The following MAP3K5 variants were observed in gnomAD, a reference collection of about 807,000 sequenced individuals.
The protein encoded by MAP3K5 is mitogen-activated protein kinase kinase kinase 5.
A neutral mutation model predicts 158.7 loss-of-function variants in MAP3K5; 56 were observed. The observed-to-expected ratio is 0.35, with a 90% CI of 0.28 to 0.44. The LOEUF is 0.44. Ranked by LOEUF, MAP3K5 falls within the 20% of genes least tolerant of loss-of-function variation. The pLI, the probability that MAP3K5 is intolerant of heterozygous loss-of-function variation, is 1.00. For synonymous variants in MAP3K5, 579 were observed against 601.7 expected (o/e 0.96, Z 0.55); for missense variants, 1,294 against 1,674.8 (o/e 0.77, Z 3.97).
At chr6:136,624,647 T>C (rs559691002) in intron 14 of MAP3K5, among the ~76,000 whole-genome samples, 2 of 152,140 alleles carry the variant, frequency 1.3e-5, no homozygotes, top group Admixed American at 1.3e-4. Flanking sequence ...CAAAAGTATA[T>C]TTTACTTTCC....
chr6:136,792,443 A>C lies in MAP3K5; in HGVS notation c.-286T>G, dbSNP rs1785125047. ...AAGCCGGGTGAGCGGGAAGGGACGGAGCTTCCTTTTCTTGGCCGGCTGACA... is the reference window on the plus strand; with the variant it reads ...AAGCCGGGTGAGCGGGAAGGGACGGCGCTTCCTTTTCTTGGCCGGCTGACA... On this transcript the variant is annotated 5_prime_UTR_variant, in exon 1 of 30. Coordinates refer to ENST00000359015, the MANE Select transcript of MAP3K5 (RefSeq NM_005923.4). This position sits in a 1 kb window ranked among gnomAD's most constrained non-coding sequence, Gnocchi z 5.7. 2.1e-6 allele frequency: 2 copies of C among 932,040 alleles called. No individual in the cohort carries two copies. The highest frequency in any genetic ancestry group is 3.6e-5 in the African/African-American group (2 of 55,722). The allele number at this position is 932,040 out of a possible 1,614,324, so 57.7% of individuals were successfully genotyped here. A position where few individuals can be genotyped will look rare whatever the true frequency, so the allele number is the denominator to read the frequency against.
chr6:136,727,923 T>C (rs2327758), intron 1 of MAP3K5, among the ~76,000 whole-genome samples: 55,362 of 151,010 alleles, frequency 0.37, 11,983 homozygotes, highest in Middle Eastern at 0.5. Context: ...GATAGCACCA[T>C]TGCACTCCAG....
intron 1 of MAP3K5, among the ~76,000 whole-genome samples, chr6:136,746,561 C>T (rs1052710802): frequency 6.6e-6 from 1 of 152,130 alleles, no homozygotes; most frequent in African/African-American, 2.4e-5. Flanking sequence ...TAGAAGAAAG[C>T]TATGGCCCCA....
intron 7 of MAP3K5, among the ~76,000 whole-genome samples, chr6:136,683,087 T>C (rs998081024): frequency 6.6e-6 from 1 of 152,182 alleles, no homozygotes; most frequent in Non-Finnish European, 1.5e-5. Flanking sequence ...TAAAGATGTA[T>C]TAACACCAAG....
intron 7 of MAP3K5, among the ~76,000 whole-genome samples, chr6:136,669,893 G>GTA (rs1779406730): frequency 6.7e-6 from 1 of 150,018 alleles, no homozygotes; most frequent in Admixed American, 6.6e-5. Context: ...GGGTGTGTGT[G>GTA]TGTGTGTGTG....
intron 24 of MAP3K5, among the ~76,000 whole-genome samples, chr6:136,581,799 T>C (rs1774891396): frequency 6.6e-6 from 1 of 152,202 alleles, no homozygotes; most frequent in African/African-American, 2.4e-5. Flanking sequence ...ATTTACATAC[T>C]GGCTGGACAT....
At chr6:136,595,877 G>T (rs1386202155) in intron 21 of MAP3K5, among the ~76,000 whole-genome samples, 2 of 152,142 alleles carry the variant, frequency 1.3e-5, no homozygotes. Context: ...TGACATGGTG[G>T]TGTGTGCCTG....
chr6:136,739,953 C>T (rs1782642683), intron 1 of MAP3K5, among the ~76,000 whole-genome samples: 1 of 152,290 alleles, frequency 6.6e-6, no homozygotes, highest in Admixed American at 6.5e-5. Flanking sequence ...CCTGTAGCTG[C>T]CAAGAAACTC....
chr6:136,739,091 T>C (rs888389650), intron 1 of MAP3K5, among the ~76,000 whole-genome samples: 5 of 152,074 alleles, frequency 3.3e-5, no homozygotes, highest in African/African-American at 1.2e-4. Flanking sequence ...CACAGGGCAT[T>C]TTGAACAGTA....
intron 7 of MAP3K5, among the ~76,000 whole-genome samples, chr6:136,686,233 G>T (rs1157221991): frequency 6.6e-6 from 1 of 152,110 alleles, no homozygotes; most frequent in Non-Finnish European, 1.5e-5. Context: ...CCCATTAGAA[G>T]TCTTTGAGCT....
chr6:136,567,864 T>C lies in MAP3K5; in HGVS notation c.3528A>G (p.Pro1176=). The part of the protein sequence containing the change: ...AITILVPELR[P]HFSLASESDT... Reference sequence around the variant, plus strand: ...CACTCTCAGATGCAAGGCTGAAATGTGGCCTTAGTTCTGTTTGGCATAATA... The same window carrying C: ...CACTCTCAGATGCAAGGCTGAAATGCGGCCTTAGTTCTGTTTGGCATAATA... The change falls in exon 26 of 30, where the codon CCA becomes CCG. Residue 1176 remains proline (P), a synonymous_variant. Transcript: ENST00000359015. 1 of 1,614,008 alleles carries C rather than the reference T, an allele frequency of 6.2e-7. No homozygotes were observed. Among genetic ancestry groups the C allele is most frequent in the Non-Finnish European group, 8.5e-7 (1 of 1,179,996 alleles).
At chr6:136,746,927 A>T in intron 1 of MAP3K5, among the ~76,000 whole-genome samples, 1 of 152,338 alleles carries the variant, frequency 6.6e-6, no homozygotes, top group African/African-American at 2.4e-5. Flanking sequence ...TCTAACTTCT[A>T]CTGATTCACT....
chr6:136,653,080 A>G (rs1778589832), intron 10 of MAP3K5, among the ~76,000 whole-genome samples: 1 of 152,218 alleles, frequency 6.6e-6, no homozygotes, highest in South Asian at 2.1e-4. Flanking sequence ...AAGGATAGAT[A>G]TTAACCAGAT....
chr6:136,636,903 T>C, intron 14 of MAP3K5: 1 of 996,964 alleles, frequency 1.0e-6, no homozygotes, highest in East Asian at 1.1e-4. Flanking sequence ...CCTCCTCTCT[T>C]AATTCCATTA....
At chr6:136,701,623 G>A (rs1780858950) in intron 3 of MAP3K5, among the ~76,000 whole-genome samples, 1 of 152,160 alleles carries the variant, frequency 6.6e-6, no homozygotes, top group African/African-American at 2.4e-5. Flanking sequence ...TGCCGAAGCA[G>A]AAAAGAAAGG....
At chr6:136,593,098 T>C (rs1382800453) in intron 21 of MAP3K5, among the ~76,000 whole-genome samples, 2 of 152,154 alleles carry the variant, frequency 1.3e-5, no homozygotes, top group Non-Finnish European at 2.9e-5. Context: ...TCCAATCCTG[T>C]TATACCTGAA....
At chr6:136,744,024 G>A (rs1004669623) in intron 1 of MAP3K5, among the ~76,000 whole-genome samples, 3 of 152,130 alleles carry the variant, frequency 2.0e-5, no homozygotes, top group Non-Finnish European at 4.4e-5. Context: ...GGATGAATAG[G>A]CAGAGAACCA....
intron 1 of MAP3K5, among the ~76,000 whole-genome samples, chr6:136,786,099 C>T (rs1310710283): frequency 6.6e-6 from 1 of 152,014 alleles, no homozygotes; most frequent in Non-Finnish European, 1.5e-5. Context: ...TAGGGCTGGG[C>T]GCGGTGGCTC....
At position 136,595,452 on chromosome 6, in the gene MAP3K5, C is replaced by T. The variant is rs114468954; in HGVS notation, c.2879-2838G>A. 5.8e-3 allele frequency among the ~76,000 whole-genome samples: 882 copies of T among 152,272 alleles called. 9 individuals carry two copies. Among genetic ancestry groups the T allele is most frequent in the African/African-American group, 0.02 (846 of 41,562 alleles). On this transcript the variant is annotated intron_variant, in intron 21 of 29. Transcript: ENST00000359015. Reference sequence around the variant, plus strand: ...ACCTGATTCTAGATTGAGTCCCCTTCTCTATTAGGCACATGCATTCATTCA... The same window carrying T: ...ACCTGATTCTAGATTGAGTCCCCTTTTCTATTAGGCACATGCATTCATTCA...
Sources: allele counts gnomAD v4.1 joint callset (sites outside exome capture counted in the v4.1 genomes callset), GRCh38; gene constraint gnomAD v4.1.1; non-coding constraint Gnocchi (gnomAD v3.1); transcripts MANE v1.5; gene names NCBI Gene and HGNC (gene_info 2026-07-23, HGNC 2026-07-21).